NSUN7: variants seen among roughly 807,000 people sequenced by gnomAD.
NSUN7 encodes the protein NOP2/Sun RNA methyltransferase family member 7.
A neutral mutation model predicts 58.5 loss-of-function variants in NSUN7; 39 were observed. The ratio of observed to expected loss-of-function variants is 0.67; its 90% confidence interval spans 0.52 to 0.87. The LOEUF is 0.87. Ranked by LOEUF, NSUN7 falls within the 40% of genes least tolerant of loss-of-function variation. The pLI is 0.00. For missense variants in NSUN7, 765 were observed against 844.1 expected, an observed-to-expected ratio of 0.91 and a Z score of 1.16; for synonymous variants, 278 against 303.7, an observed-to-expected ratio of 0.92 and a Z score of 0.88.
chr4:40,798,807 G>A lies in NSUN7; in HGVS notation c.1303G>A (p.Val435Ile). ...AMKFTKAQAV[V>I]YCTCSVFPEE... ...TATAGTTACTAAAGCTCAAGCAGTT[G>A]TTTACTGCACATGTTCAGTTTTTCC... Residue 435 changes from valine to isoleucine, a missense_variant, in exon 10 of 12, where the codon GTT (valine) becomes ATT (isoleucine). Coordinates refer to ENST00000381782, the MANE Select transcript of NSUN7 (RefSeq NM_024677.6). 1 of 1,606,676 alleles carries A rather than the reference G, an allele frequency of 6.2e-7. No individual in the cohort carries two copies. The highest frequency in any genetic ancestry group is 8.5e-7 in the Non-Finnish European group (1 of 1,174,722).
At chr4:40,802,753 T>C (rs928636362) in intron 10 of NSUN7, among the ~76,000 whole-genome samples, 1 of 152,022 alleles carries the variant, frequency 6.6e-6, no homozygotes, top group Non-Finnish European at 1.5e-5. Context: ...TAAGTACCTT[T>C]TACCCTGACA....
chr4:40,778,523 GC>G (rs1342831419), intron 7 of NSUN7, among the ~76,000 whole-genome samples: 2 of 152,240 alleles, frequency 1.3e-5, no homozygotes, highest in African/African-American at 2.4e-5. Flanking sequence ...GACCTAGGTA[GC>G]CCCCTTTCAC....
At position 40,798,813 on chromosome 4, in the gene NSUN7, T is replaced by G; in HGVS notation, c.1309T>G (p.Cys437Gly). The G allele has an allele frequency of 6.2e-7, 1 of 1,610,982 alleles. No individual in the cohort carries two copies. The highest frequency in any genetic ancestry group is 2.2e-5 in the East Asian group (1 of 44,698). Reference sequence around the variant, plus strand: ...TACTAAAGCTCAAGCAGTTGTTTACTGCACATGTTCAGTTTTTCCAGAAGA... The same window carrying G: ...TACTAAAGCTCAAGCAGTTGTTTACGGCACATGTTCAGTTTTTCCAGAAGA... The part of the protein sequence containing the change: ...KFTKAQAVVY[C>G]TCSVFPEENE... The change falls in exon 10 of 12, where the codon TGC (cysteine) becomes GGC (glycine). Residue 437 changes from cysteine (C) to glycine (G), a missense_variant. Coordinates refer to ENST00000381782, the MANE Select transcript of NSUN7 (RefSeq NM_024677.6).
chr4:40,800,818 A>T (rs908237741), intron 10 of NSUN7, among the ~76,000 whole-genome samples: 3 of 152,124 alleles, frequency 2.0e-5, no homozygotes, highest in Non-Finnish European at 4.4e-5. Flanking sequence ...ATCTTATTTG[A>T]TTTATGGAAA....
intron 9 of NSUN7, among the ~76,000 whole-genome samples, chr4:40,794,905 C>T (rs189820873): frequency 2.4e-4 from 37 of 152,264 alleles, no homozygotes; most frequent in Non-Finnish European, 3.4e-4. Context: ...GAGGTGCAAT[C>T]GCAGAGAAAG....
rs1560567921 is a variant in NSUN7, at chr4:40,808,568, C to CAAG, written c.1787_1789dup (p.Gln596_Val597insGlu). 2.6e-6 allele frequency: 4 copies of CAAG among 1,551,682 alleles called. No homozygotes were observed. The highest frequency in any genetic ancestry group is 2.6e-6 in the Non-Finnish European group (3 of 1,147,004). ...ACCTCTTCCCCAGAAAAATACTGCT[C>CAAG]AAGTGGGGGCTTCCTCACAGACCAG... On this transcript the variant is annotated inframe_insertion, in exon 12 of 12. Coordinates refer to ENST00000381782, the MANE Select transcript of NSUN7 (RefSeq NM_024677.6).
chr4:40,788,697 G>C (rs1408093754), intron 7 of NSUN7, among the ~76,000 whole-genome samples: 1 of 152,112 alleles, frequency 6.6e-6, no homozygotes, highest in Non-Finnish European at 1.5e-5. Context: ...GTAGAATCCT[G>C]GCAGTGTTCA....
intron 4 of NSUN7, among the ~76,000 whole-genome samples, chr4:40,766,829 G>T: frequency 6.6e-6 from 1 of 150,508 alleles, no homozygotes; most frequent in African/African-American, 2.4e-5. Context: ...ATGTGTCGAG[G>T]AATTTATCCA....
intron 4 of NSUN7, 132 bp downstream of exon 4, chr4:40,761,433 C>A (rs368141519): frequency 4.3e-6 from 3 of 705,814 alleles, no homozygotes; most frequent in Non-Finnish European, 6.6e-6. Flanking sequence ...TCATAAAATT[C>A]TTGAATTTCT....
chr4:40,803,066 T>C lies in NSUN7; in HGVS notation c.1401-3995T>C, dbSNP rs1183413074. On this transcript the variant is annotated intron_variant, in intron 10 of 11. Coordinates refer to ENST00000381782, the MANE Select transcript of NSUN7 (RefSeq NM_024677.6). ...GTTTTTTGTCCTTGTGATAGTTTAC[T>C]GAGAATGATGATTTCCAATTTCATC... 3.3e-5 allele frequency among the ~76,000 whole-genome samples: 5 copies of C among 151,848 alleles called. No individual in the cohort carries two copies. In the East Asian group the frequency reaches 9.7e-4, roughly 30 times the overall value.
intron 10 of NSUN7, among the ~76,000 whole-genome samples, chr4:40,799,808 T>G (rs1041960851): frequency 2.6e-5 from 4 of 152,214 alleles, no homozygotes; most frequent in Non-Finnish European, 4.4e-5. Context: ...TGTCATTTAA[T>G]CTCATCACCT....
chr4:40,804,207 A>G (rs1743722020), intron 10 of NSUN7, among the ~76,000 whole-genome samples: 1 of 152,166 alleles, frequency 6.6e-6, no homozygotes. Flanking sequence ...TGGGAGGCTG[A>G]GGTGGGCGGA....
rs1744140582 is a variant in NSUN7, at chr4:40,810,215, AATTGTATT to A, written c.*1279_*1286del. On this transcript the variant is annotated 3_prime_UTR_variant, in exon 12 of 12. Transcript: ENST00000381782. ...CTTGAAGTGAGAAAAGAGAATGGTG[AATTGTATT>A]ATAGCGGTAATACATTATTTTTATT... The A allele has an allele frequency of 2.0e-5, 3 of 152,216 alleles. No individual in the cohort carries two copies. The highest frequency in any genetic ancestry group is 4.4e-5 in the Non-Finnish European group (3 of 68,046). 9.4% of individuals were successfully genotyped at this position (152,216 alleles called of 1,614,324 possible).
intron 5 of NSUN7, 92 bp downstream of exon 5, chr4:40,774,509 G>A: frequency 8.0e-7 from 1 of 1,250,800 alleles, no homozygotes; most frequent in Non-Finnish European, 1.1e-6. Context: ...AGGTGGGGGT[G>A]GCACATCTAG....
chr4:40,780,089 C>T (rs915318661), intron 7 of NSUN7, among the ~76,000 whole-genome samples: 1 of 151,838 alleles, frequency 6.6e-6, no homozygotes, highest in Non-Finnish European at 1.5e-5. Context: ...GAGACCAGCC[C>T]GACCAGCATG....
intron 3 of NSUN7, 76 bp from the exon 4 acceptor site, chr4:40,761,095 A>T: frequency 8.7e-7 from 1 of 1,148,424 alleles, no homozygotes. Context: ...AAAATAATGG[A>T]ATGGAATGGA....
intron 10 of NSUN7, among the ~76,000 whole-genome samples, chr4:40,806,193 C>T (rs1053612151): frequency 1.3e-5 from 2 of 152,048 alleles, no homozygotes; most frequent in Admixed American, 6.5e-5. Flanking sequence ...CGGGGTTTCA[C>T]CATGTTGGCC....
At chr4:40,799,649 C>T (rs1025111719) in intron 10 of NSUN7, among the ~76,000 whole-genome samples, 1 of 152,028 alleles carries the variant, frequency 6.6e-6, no homozygotes, top group Non-Finnish European at 1.5e-5. Context: ...GATTTGAGCT[C>T]AAATTGGAGA....
intron 4 of NSUN7, among the ~76,000 whole-genome samples, chr4:40,770,700 C>T (rs1187423147): frequency 6.6e-6 from 1 of 151,974 alleles, no homozygotes; most frequent in African/African-American, 2.4e-5. Flanking sequence ...ATGTATATTA[C>T]AAAAAGCCAA....
Sources: gnomAD v4.1 joint callset for allele counts (sites outside exome capture counted in the v4.1 genomes callset) on GRCh38, gnomAD v4.1.1 for gene constraint, MANE v1.5 for transcripts, NCBI Gene and HGNC (gene_info 2026-07-23, HGNC 2026-07-21) for gene names.